Variants in LRP2 observed in about 807,000 individuals in gnomAD.
LRP2 encodes the protein LDL receptor related protein 2.
Under a neutral mutation model 531.0 loss-of-function variants are expected in LRP2, and 172 were observed. That is an observed-to-expected ratio of 0.32 (90% confidence interval 0.29 to 0.37). The LOEUF (loss-of-function observed/expected upper bound fraction) is 0.37. LRP2 is among the 10% of genes least tolerant of loss of function. The probability of loss-of-function intolerance (pLI) is 1.00; values close to 1 mark genes in which losing one functional copy is unlikely to be tolerated. For synonymous variants in LRP2, 1,992 were observed against 2,027.6 expected, an observed-to-expected ratio of 0.98 and a Z score of 0.47; for missense variants, 5,167 against 5,868.3, an observed-to-expected ratio of 0.88 and a Z score of 3.90.
At position 169,138,565 on chromosome 2, in the gene LRP2, A is replaced by C; in HGVS notation, c.13518+12T>G. 6.2e-7 allele frequency: 1 copy of C among 1,613,578 alleles called. No homozygotes were observed. The highest frequency in any genetic ancestry group is 8.5e-7 in the Non-Finnish European group (1 of 1,179,608). ...GACAACCTTCAAATAATCATTTTGAAACCATACTCACCATTGCCATTGACC... is the reference window on the plus strand; with the variant it reads ...GACAACCTTCAAATAATCATTTTGACACCATACTCACCATTGCCATTGACC... On this transcript the variant is annotated intron_variant, in intron 75 of 78. Coordinates refer to ENST00000649046, the MANE Select transcript of LRP2 (RefSeq NM_004525.3).
At chr2:169,165,536 T>C (rs1050507420) in intron 62 of LRP2, among the ~76,000 whole-genome samples, 1 of 152,188 alleles carries the variant, frequency 6.6e-6, no homozygotes, top group Non-Finnish European at 1.5e-5. Flanking sequence ...CTGCCTAGAT[T>C]AGCAATTAGC....
chr2:169,345,253 A>T (rs550194346), intron 1 of LRP2, among the ~76,000 whole-genome samples: 3 of 152,300 alleles, frequency 2.0e-5, no homozygotes, highest in African/African-American at 7.2e-5. Context: ...TCTAGCCACA[A>T]GCCAAGTTTG....
chr2:169,220,541 A>G lies in LRP2; in HGVS notation c.5561T>C (p.Ile1854Thr), dbSNP rs770632247. ...GGCAATCAATGTTTTTCTGTATCTG[A>G]TATCTCCGTGGAGTGTCAAAACCTA... ...SIEVLTLHGD[I>T]RYRKTLIAND... The change falls in exon 34 of 79, where the codon ATC becomes ACC. Residue 1854 changes from isoleucine to threonine, a missense_variant. This residue lies in a region of LRP2 where 2,811 missense variants were observed against 3,058.0 expected (regional missense o/e 0.92). Transcript: ENST00000649046. The G allele has an allele frequency of 2.2e-5, 35 of 1,612,854 alleles. No homozygotes were observed. Among genetic ancestry groups the G allele is most frequent in the Non-Finnish European group, 2.9e-5 (34 of 1,179,236 alleles).
chr2:169,192,755 T>A (rs3770604), intron 47 of LRP2, among the ~76,000 whole-genome samples: 62,138 of 151,926 alleles, frequency 0.41, 15,847 homozygotes, highest in African/African-American at 0.72. Flanking sequence ...AGAAAGAAGA[T>A]GATGTTGGTA....
At position 169,318,814 on chromosome 2, in the gene LRP2, C is replaced by A. The variant is rs755807130; in HGVS notation, c.258G>T (p.Val86=). Residue 86 remains valine, a synonymous_variant, in exon 3 of 79, where the codon GTG becomes GTT. Transcript: ENST00000649046. Reference sequence around the variant, plus strand: ...CATCACAGTCTTGATCTTGGTCACACACCCAGGAGTTGGGGATGCATTGTC... The same window carrying A: ...CATCACAGTCTTGATCTTGGTCACAAACCCAGGAGTTGGGGATGCATTGTC... ...SEGQCIPNSW[V]CDQDQDCDDG... 6.2e-7 allele frequency: 1 copy of A among 1,614,152 alleles called. No individual in the cohort carries two copies. Among genetic ancestry groups the A allele is most frequent in the South Asian group, 1.1e-5 (1 of 91,078 alleles).
chr2:169,289,907 C>A (rs1683956319), intron 8 of LRP2, among the ~76,000 whole-genome samples: 1 of 152,096 alleles, frequency 6.6e-6, no homozygotes, highest in Non-Finnish European at 1.5e-5. Flanking sequence ...CCATAGAGGT[C>A]TCTGCCTGTT....
intron 3 of LRP2, among the ~76,000 whole-genome samples, chr2:169,313,629 G>A (rs1684679031): frequency 6.6e-6 from 1 of 152,218 alleles, no homozygotes; most frequent in Admixed American, 6.5e-5. Context: ...CTACTGGGAG[G>A]TGTCTCCCAG....
intron 1 of LRP2, among the ~76,000 whole-genome samples, chr2:169,335,524 CA>C (rs1030536638): frequency 6.6e-6 from 1 of 152,142 alleles, no homozygotes; most frequent in Non-Finnish European, 1.5e-5. Flanking sequence ...GTTTTCCATT[CA>C]AAAAGTTTGG....
At chr2:169,160,238 C>A (rs926452491) in intron 63 of LRP2, among the ~76,000 whole-genome samples, 2 of 151,976 alleles carry the variant, frequency 1.3e-5, no homozygotes, top group Non-Finnish European at 1.5e-5. Context: ...ATTTTCATTC[C>A]CAAAAATTTG....
At chr2:169,186,136 C>T in intron 49 of LRP2, 117 bp from the exon 50 acceptor site, 2 of 920,634 alleles carry the variant, frequency 2.2e-6, no homozygotes, top group Non-Finnish European at 3.4e-6. Flanking sequence ...CATGCTAAGA[C>T]AGACAACAAA....
rs1687913711 is a variant in LRP2 at position 169,193,831 on chromosome 2, T to C, written c.8760A>G (p.Pro2920=). ...TATCACCGTCACAGATCCATTCGCT[T>C]GGGATGCACCTCCCACCATCACACT... The part of the protein sequence containing the change: ...EFKCDGGRCI[P]SEWICDGDND... Residue 2920 remains proline, a synonymous_variant, in exon 47 of 79, where the codon CCA becomes CCG. Transcript: ENST00000649046. The C allele has an allele frequency of 6.2e-7, 1 of 1,614,054 alleles. No homozygotes were observed. Among genetic ancestry groups the C allele is most frequent in the South Asian group, 1.1e-5 (1 of 91,088 alleles).
chr2:169,270,286 G>A (rs1294150674), intron 16 of LRP2, among the ~76,000 whole-genome samples: 14 of 152,132 alleles, frequency 9.2e-5, no homozygotes, highest in Non-Finnish European at 1.5e-5. Context: ...AAATCATGCT[G>A]CTATAAAGAC....
Position 169,231,657 on chromosome 2 carries a change from T to C in LRP2, c.5227+57A>G, listed in dbSNP as rs1434652936. 2.5e-6 allele frequency: 4 copies of C among 1,610,964 alleles called. No homozygotes were observed. In the Admixed American group the frequency reaches 5.0e-5, roughly 20 times the overall value. On this transcript the variant is annotated intron_variant, in intron 31 of 78. Coordinates refer to ENST00000649046, the MANE Select transcript of LRP2 (RefSeq NM_004525.3). ...CAATTGGTTTTAGAGTTTCCACTGC[T>C]TGGCACAAACTATGACCAGCTCCAT...
intron 1 of LRP2, among the ~76,000 whole-genome samples, chr2:169,335,681 C>T (rs1273308316): frequency 6.6e-6 from 1 of 152,058 alleles, no homozygotes; most frequent in African/African-American, 2.4e-5. Context: ...TTCAGCGATT[C>T]TCCAGGACCC....
intron 47 of LRP2, among the ~76,000 whole-genome samples, chr2:169,193,491 GT>G (rs1340822882): frequency 5.1e-4 from 75 of 147,748 alleles, no homozygotes; most frequent in East Asian, 1.4e-3. Flanking sequence ...GTATTTGTGG[GT>G]TTTTTTTTTC....
In LRP2 at chr2:169,243,016, C is replaced by T. The variant is rs144864408; in HGVS notation, c.3607G>A (p.Val1203Ile). The part of the protein sequence containing the change: ...KCASGDKCIG[V>I]TNRCDGVFDC... Reference sequence around the variant, plus strand: ...AAAACACCATCACAACGATTTGTGACGCCAATACATTTATCCCCACTGGCA... The same window carrying T: ...AAAACACCATCACAACGATTTGTGATGCCAATACATTTATCCCCACTGGCA... Residue 1203 changes from valine to isoleucine, a missense_variant, in exon 24 of 79, where the codon GTC becomes ATC. Physicochemically the swap from Val to Ile is conservative, Grantham distance 29. Coordinates refer to ENST00000649046, the MANE Select transcript of LRP2 (RefSeq NM_004525.3). 283 of 1,614,118 alleles carry T rather than the reference C, an allele frequency of 1.8e-4. 1 individual carries two copies. Among genetic ancestry groups the T allele is most frequent in the African/African-American group, 4.3e-4 (32 of 75,050 alleles).
At chr2:169,293,500 A>G (rs1051973990) in intron 6 of LRP2, among the ~76,000 whole-genome samples, 15 of 152,234 alleles carry the variant, frequency 9.9e-5, no homozygotes, top group Admixed American at 9.8e-4. Context: ...ACACGGTGAA[A>G]CCCCATCTCT....
intron 27 of LRP2, among the ~76,000 whole-genome samples, chr2:169,237,659 T>C (rs2268365): frequency 0.13 from 20,062 of 152,208 alleles, 1,954 homozygotes; most frequent in East Asian, 0.39. Flanking sequence ...GGACCAAGAA[T>C]TACAAAATAA....
chr2:169,238,636 T>C (rs749546515), intron 26 of LRP2, among the ~76,000 whole-genome samples: 1 of 152,180 alleles, frequency 6.6e-6, no homozygotes, highest in Non-Finnish European at 1.5e-5. Flanking sequence ...CCTTACTATT[T>C]AATAGGTTGT....
Sources: allele counts gnomAD v4.1 joint callset (sites outside exome capture counted in the v4.1 genomes callset), GRCh38; gene constraint gnomAD v4.1.1; regional missense constraint gnomAD v4.1.1; transcripts MANE v1.5; gene names NCBI Gene and HGNC (gene_info 2026-07-23, HGNC 2026-07-21).